The following CTNNA2 variants were observed in gnomAD, a reference collection of about 807,000 sequenced individuals.
CTNNA2 encodes catenin alpha-2.
CTNNA2 carries 42 observed loss-of-function variants against 101.0 expected under a neutral mutation model. The ratio of observed to expected loss-of-function variants is 0.42; its 90% CI spans 0.32 to 0.54. The LOEUF (loss-of-function observed/expected upper bound fraction) is 0.54, where lower values mean the gene tolerates loss of function less well. Ranked by LOEUF, CTNNA2 falls within the 20% of genes least tolerant of loss-of-function variation. CTNNA2 has a pLI of 0.14. For missense variants in CTNNA2, 871 were observed against 1,223.1 expected, an observed-to-expected ratio of 0.71 and a Z score of 4.29; for synonymous variants, 450 against 456.4, an observed-to-expected ratio of 0.99 and a Z score of 0.18.
At chr2:80,492,830 C>A (rs1312561384) in intron 9 of CTNNA2, among the ~76,000 whole-genome samples, 1 of 152,116 alleles carries the variant, frequency 6.6e-6, no homozygotes, top group Non-Finnish European at 1.5e-5. Flanking sequence ...GTTTTCTTTT[C>A]TTACTAGTTC....
intron 7 of CTNNA2, among the ~76,000 whole-genome samples, chr2:80,052,204 C>T (rs557526913): frequency 1.3e-5 from 2 of 152,022 alleles, no homozygotes; most frequent in South Asian, 4.2e-4. Flanking sequence ...GACATTTATC[C>T]CAAACTCATT....
chr2:79,886,002 T>C (rs187298854), intron 6 of CTNNA2, among the ~76,000 whole-genome samples: 14 of 152,340 alleles, frequency 9.2e-5, no homozygotes, highest in African/African-American at 2.9e-4. Flanking sequence ...AAAGTGTATA[T>C]GTGCCAGATG....
intron 4 of CTNNA2, among the ~76,000 whole-genome samples, chr2:79,408,833 T>G (rs1480442645): frequency 6.6e-6 from 1 of 151,764 alleles, no homozygotes; most frequent in Non-Finnish European, 1.5e-5. Context: ...GATGGCTGGG[T>G]CAAATGGTAT....
chr2:79,988,467 TG>T (rs1283044529), intron 7 of CTNNA2, among the ~76,000 whole-genome samples: 663 of 4,580 alleles, frequency 0.14, 4 homozygotes, highest in Non-Finnish European at 0.2. Flanking sequence ...TGTATGTGTA[TG>T]TGTGTGTGTG....
chr2:79,854,551 T>C (rs1384549163), intron 3 of CTNNA2, among the ~76,000 whole-genome samples: 1 of 152,264 alleles, frequency 6.6e-6, no homozygotes, highest in Non-Finnish European at 1.5e-5. Context: ...TTATCCTTTT[T>C]CATCCATGAG....
At chr2:79,347,864 G>A (rs956747376) in intron 3 of CTNNA2, among the ~76,000 whole-genome samples, 19 of 146,930 alleles carry the variant, frequency 1.3e-4, no homozygotes, top group Admixed American at 8.3e-4. Context: ...TGACCAAACA[G>A]TCCCACAAGG....
intron 4 of CTNNA2, among the ~76,000 whole-genome samples, chr2:79,435,027 A>G (rs999978650): frequency 2.0e-5 from 3 of 152,086 alleles, no homozygotes; most frequent in African/African-American, 7.2e-5. Context: ...TTCTGTAACT[A>G]ACCATAGTGC....
chr2:79,652,352 A>G lies in CTNNA2; in HGVS notation c.102+694A>G, dbSNP rs193180452. Among the ~76,000 whole-genome samples the G allele has an allele frequency of 1.1e-3, 162 of 152,048 alleles. 2 individuals are homozygous for G. Among genetic ancestry groups the G allele is most frequent in the African/African-American group, 3.7e-3 (153 of 41,480 alleles). ...AAGCAGCACAAATTTATTATTCTAG[A>G]GGTCAAATATCCTAGTCAAGGTATT... is the stretch of plus-strand genomic sequence containing the variant. On this transcript the variant is annotated intron_variant, in intron 2 of 18. Coordinates refer to ENST00000402739, the MANE Select transcript of CTNNA2 (RefSeq NM_001282597.3).
intron 2 of CTNNA2, among the ~76,000 whole-genome samples, chr2:79,678,612 C>T (rs920780189): frequency 2.4e-4 from 37 of 151,984 alleles, no homozygotes; most frequent in African/African-American, 8.7e-4. Context: ...TAGGCTGTGT[C>T]CCTGTCTGAG....
At chr2:80,378,444 TACACACAC>T (rs3040572) in intron 7 of CTNNA2, among the ~76,000 whole-genome samples, 18 of 147,900 alleles carry the variant, frequency 1.2e-4, no homozygotes, top group East Asian at 9.9e-4. Flanking sequence ...ACTTGCAGTA[TACACACAC>T]ACACACACAC....
chr2:80,213,952 C>G (rs991941120), intron 7 of CTNNA2, among the ~76,000 whole-genome samples: 2 of 152,132 alleles, frequency 1.3e-5, no homozygotes, highest in Non-Finnish European at 2.9e-5. Flanking sequence ...TGAATTGATG[C>G]CTTTACCATT....
chr2:80,021,748 C>T (rs1166224843), intron 7 of CTNNA2, among the ~76,000 whole-genome samples: 7 of 151,908 alleles, frequency 4.6e-5, no homozygotes, highest in Non-Finnish European at 8.8e-5. Flanking sequence ...TTAAAATCTA[C>T]ACTCAGCAAT....
intron 9 of CTNNA2, among the ~76,000 whole-genome samples, chr2:80,494,439 G>A (rs59109365): frequency 0.036 from 5,527 of 152,182 alleles, 352 homozygotes; most frequent in African/African-American, 0.12. Context: ...GACAGGTGAT[G>A]TTTTTAATGA....
intron 8 of CTNNA2, among the ~76,000 whole-genome samples, chr2:80,416,402 A>G (rs963510263): frequency 3.3e-5 from 5 of 152,154 alleles, no homozygotes; most frequent in East Asian, 1.9e-4. Flanking sequence ...ATGTGTTTCT[A>G]CTGACATTTC....
intron 9 of CTNNA2, among the ~76,000 whole-genome samples, chr2:80,522,468 G>T (rs1240666926): frequency 6.6e-6 from 1 of 152,196 alleles, no homozygotes; most frequent in Non-Finnish European, 1.5e-5. Context: ...CATTGAAGGG[G>T]TTAGGAATAA....
At chr2:80,455,421 A>G (rs1284374296) in intron 9 of CTNNA2, among the ~76,000 whole-genome samples, 1 of 152,202 alleles carries the variant, frequency 6.6e-6, no homozygotes, top group Non-Finnish European at 1.5e-5. Context: ...AGGGAAACAG[A>G]AGCAGATTTA....
At chr2:79,460,013 C>A (rs952379919) in intron 4 of CTNNA2, among the ~76,000 whole-genome samples, 3 of 151,992 alleles carry the variant, frequency 2.0e-5, no homozygotes, top group Admixed American at 6.6e-5. Context: ...ACTGTTGTAT[C>A]CTGTGTACCT....
intron 4 of CTNNA2, among the ~76,000 whole-genome samples, chr2:79,419,653 T>C (rs1168728044): frequency 6.6e-6 from 1 of 152,198 alleles, no homozygotes; most frequent in African/African-American, 2.4e-5. Context: ...AATAAATCCA[T>C]ATCTTTGGGG....
At chr2:80,190,324 C>T (rs1310259173) in intron 7 of CTNNA2, among the ~76,000 whole-genome samples, 1 of 151,950 alleles carries the variant, frequency 6.6e-6, no homozygotes, top group Non-Finnish European at 1.5e-5. Flanking sequence ...GCAGGCTGGA[C>T]CAGATAACCG....
Sources: allele counts gnomAD v4.1 joint callset (sites outside exome capture counted in the v4.1 genomes callset), GRCh38; gene constraint gnomAD v4.1.1; transcripts MANE v1.5; gene names NCBI Gene and HGNC (gene_info 2026-07-23, HGNC 2026-07-21).